CRB1: variants seen among roughly 807,000 people sequenced by gnomAD.
The protein encoded by CRB1 is protein crumbs homolog 1.
A neutral mutation model predicts 120.0 loss-of-function variants in CRB1; 83 were observed. The observed-to-expected ratio is 0.69, with a 90% confidence interval of 0.58 to 0.83. CRB1 has a LOEUF of 0.83. CRB1 is among the 40% of genes least tolerant of loss of function. The pLI, the probability that CRB1 is intolerant of heterozygous loss-of-function variation, is 0.00. For missense variants in CRB1, 1,699 were observed against 1,687.6 expected (o/e 1.01, Z -0.12); for synonymous variants, 625 against 612.5 (o/e 1.02, Z -0.30).
chr1:197,406,250 G>A (rs980117527), intron 5 of CRB1, among the ~76,000 whole-genome samples: 2 of 152,170 alleles, frequency 1.3e-5, no homozygotes, highest in Non-Finnish European at 2.9e-5. Flanking sequence ...CTTCTGCCTT[G>A]GGATCTTCTT....
rs140309769 is a variant in CRB1 at position 197,287,699 on chromosome 1, T to G, written c.70+19217T>G. On this transcript the variant is annotated intron_variant, in intron 1 of 11. Transcript: ENST00000367400. ...TGGCTCACAAATAGAATTATTCTACTCATGAAGGAAAAAGAAATACAACTA... is the reference window on the plus strand; with the variant it reads ...TGGCTCACAAATAGAATTATTCTACGCATGAAGGAAAAAGAAATACAACTA... 7.6e-4 allele frequency among the ~76,000 whole-genome samples: 116 copies of G among 151,922 alleles called. 2 individuals are homozygous for G. In the East Asian group the frequency reaches 0.022, roughly 29 times the overall value.
At chr1:197,476,699 A>C (rs1273396983) in intron 11 of CRB1, among the ~76,000 whole-genome samples, 8 of 152,172 alleles carry the variant, frequency 5.3e-5, no homozygotes, top group Non-Finnish European at 1.2e-4. Flanking sequence ...AGGATGTTAA[A>C]CACAGATTTC....
chr1:197,335,813 A>T (rs1007560157), intron 2 of CRB1, among the ~76,000 whole-genome samples: 1 of 152,214 alleles, frequency 6.6e-6, no homozygotes, highest in Non-Finnish European at 1.5e-5. Flanking sequence ...AAGTTTTAAC[A>T]GTAACTTTCT....
At chr1:197,254,483 G>A in the CRB1 span, among the ~76,000 whole-genome samples, 53 of 152,108 alleles carry the variant, frequency 3.5e-4, no homozygotes, top group African/African-American at 1.2e-3. Flanking sequence ...GACATGAACA[G>A]AATATGTTTT....
intron 5 of CRB1, among the ~76,000 whole-genome samples, chr1:197,391,968 T>G (rs558350008): frequency 3.4e-4 from 51 of 152,014 alleles, no homozygotes; most frequent in African/African-American, 1.2e-3. Flanking sequence ...GGGGGCCCAG[T>G]GCAAAAACAG....
chr1:197,305,896 T>A, intron 1 of CRB1, among the ~76,000 whole-genome samples: 1 of 129,300 alleles, frequency 7.7e-6, no homozygotes, highest in Non-Finnish European at 1.7e-5. Flanking sequence ...ATATTTGAGA[T>A]CTAATTGAAA....
intron 1 of CRB1, among the ~76,000 whole-genome samples, chr1:197,294,779 T>A (rs1036257679): frequency 3.4e-4 from 52 of 151,978 alleles, no homozygotes; most frequent in African/African-American, 1.2e-3. Context: ...AGCTGGAAAC[T>A]ATCATTCTCA....
chr1:197,434,926 A>G lies in CRB1; in HGVS notation c.3063A>G (p.Leu1021=). 2 of 1,613,924 alleles carry G rather than the reference A, an allele frequency of 1.2e-6. No homozygotes were observed. ...AAAGTGGCAACAGCTTTTATATGCTAAGTCTGACAAGTTTGCAGTCAGTGA... is the reference window on the plus strand; with the variant it reads ...AAAGTGGCAACAGCTTTTATATGCTGAGTCTGACAAGTTTGCAGTCAGTGA... ...QLQSGNSFYM[L]SLTSLQSVND... Residue 1021 remains leucine, a synonymous_variant, in exon 9 of 12, where the codon CTA becomes CTG. Transcript: ENST00000367400.
rs773815247 is a variant in CRB1, at chr1:197,434,764, G to T, written c.2901G>T (p.Gly967=). The change falls in exon 9 of 12, where the codon GGG becomes GGT. Residue 967 remains glycine (G), a synonymous_variant. Coordinates refer to ENST00000367400, the MANE Select transcript of CRB1 (RefSeq NM_201253.3). ...GTCAAATATTATTCAGAAGCAATGGGAATATTACCAGAGAACTCACCAATA... is the reference window on the plus strand; with the variant it reads ...GTCAAATATTATTCAGAAGCAATGGTAATATTACCAGAGAACTCACCAATA... ...QSGQILFRSN[G]NITRELTNIT... 1.5e-5 allele frequency: 24 copies of T among 1,613,602 alleles called. No homozygotes were observed. The East Asian group carries it at 4.5e-4, about 30-fold the overall frequency.
At chr1:197,306,887 T>A (rs1416929761) in intron 1 of CRB1, among the ~76,000 whole-genome samples, 1 of 152,196 alleles carries the variant, frequency 6.6e-6, no homozygotes, top group East Asian at 1.9e-4. Context: ...AATAGAATGA[T>A]CTGTATTCTA....
chr1:197,387,114 T>C (rs1267522653), intron 5 of CRB1, among the ~76,000 whole-genome samples: 1 of 152,070 alleles, frequency 6.6e-6, no homozygotes, highest in African/African-American at 2.4e-5. Context: ...ACATAATCTT[T>C]TTCTTTTTTT....
chr1:197,218,207 G>T, the CRB1 span, among the ~76,000 whole-genome samples: 1 of 152,186 alleles, frequency 6.6e-6, no homozygotes, highest in Non-Finnish European at 1.5e-5. Context: ...GAACAAGAAA[G>T]GTGTGTCAGT....
At chr1:197,299,636 A>AG (rs752738006) in intron 1 of CRB1, among the ~76,000 whole-genome samples, 28 of 152,166 alleles carry the variant, frequency 1.8e-4, no homozygotes, top group Non-Finnish European at 3.7e-4. Flanking sequence ...GAAAAAAAAA[A>AG]CTGTAGTATA....
At chr1:197,248,963 T>C in the CRB1 span, among the ~76,000 whole-genome samples, 9 of 151,964 alleles carry the variant, frequency 5.9e-5, no homozygotes, top group Non-Finnish European at 1.2e-4. Flanking sequence ...CAAAAATGTA[T>C]ATTATAAAAC....
chr1:197,366,570 C>G (rs1386089650), intron 5 of CRB1, among the ~76,000 whole-genome samples: 1 of 151,758 alleles, frequency 6.6e-6, no homozygotes, highest in Admixed American at 6.6e-5. Flanking sequence ...ATGATATATA[C>G]CAGAGTAGAA....
At chr1:197,214,318 T>TCC in the CRB1 span, among the ~76,000 whole-genome samples, 2 of 152,138 alleles carry the variant, frequency 1.3e-5, no homozygotes, top group Non-Finnish European at 2.9e-5. Flanking sequence ...TTTTTTTCAA[T>TCC]ATATACAGTC....
chr1:197,467,781 G>C (rs562760282), intron 11 of CRB1, among the ~76,000 whole-genome samples: 1 of 152,264 alleles, frequency 6.6e-6, no homozygotes, highest in African/African-American at 2.4e-5. Flanking sequence ...CGACCCAGCA[G>C]ATACATAAAA....
At chr1:197,281,761 G>A (rs1655534943) in intron 1 of CRB1, among the ~76,000 whole-genome samples, 1 of 151,754 alleles carries the variant, frequency 6.6e-6, no homozygotes, top group Non-Finnish European at 1.5e-5. Flanking sequence ...ATGATTTCCA[G>A]GCCCCTAGTT....
At chr1:197,210,398 G>C in the CRB1 span, among the ~76,000 whole-genome samples, 1 of 152,148 alleles carries the variant, frequency 6.6e-6, no homozygotes, top group Non-Finnish European at 1.5e-5. Context: ...CAGTTTTCAT[G>C]AAGAAAAAGA....
Sources: gnomAD v4.1 joint callset for allele counts (sites outside exome capture counted in the v4.1 genomes callset) on GRCh38, gnomAD v4.1.1 for gene constraint, MANE v1.5 for transcripts, NCBI Gene and HGNC (gene_info 2026-07-23, HGNC 2026-07-21) for gene names.